GABRB2: variants seen among roughly 807,000 people sequenced by gnomAD.
GABRB2 encodes gamma-aminobutyric acid type A receptor subunit beta2, also known as gamma-aminobutyric acid receptor subunit beta-2.
Under a neutral mutation model 54.7 loss-of-function variants are expected in GABRB2, and 16 were observed. That is an observed-to-expected ratio of 0.29 (90% CI 0.20 to 0.44). The LOEUF is 0.44. Among genes scored for constraint, GABRB2 ranks in the 20% least tolerant of loss-of-function variants. GABRB2 has a pLI of 1.00. For missense variants in GABRB2, 355 were observed against 644.0 expected (o/e 0.55, Z 4.86); for synonymous variants, 244 against 233.8 (o/e 1.04, Z -0.40).
chr5:161,442,412 A>G (rs1419091402), intron 4 of GABRB2, among the ~76,000 whole-genome samples: 1 of 152,186 alleles, frequency 6.6e-6, no homozygotes, highest in Admixed American at 6.5e-5. Flanking sequence ...TCTCGTGCAG[A>G]ATCTTCCACC....
intron 5 of GABRB2, among the ~76,000 whole-genome samples, chr5:161,372,368 A>T (rs1226909306): frequency 6.6e-6 from 1 of 152,140 alleles, no homozygotes; most frequent in Non-Finnish European, 1.5e-5. Context: ...ACTTATGCCT[A>T]GTCCCCATCA....
intron 9 of GABRB2, among the ~76,000 whole-genome samples, chr5:161,320,980 C>T (rs253001): frequency 0.3 from 45,543 of 151,688 alleles, 7,441 homozygotes; most frequent in African/African-American, 0.42. Context: ...TATAATGGTC[C>T]TCAGGCTGTC....
chr5:161,475,311 T>C (rs1758561751), intron 3 of GABRB2, among the ~76,000 whole-genome samples: 2 of 151,974 alleles, frequency 1.3e-5, no homozygotes, highest in South Asian at 4.1e-4. Context: ...TGTGGCTTAA[T>C]GTTAATCCTC....
At chr5:161,489,573 A>G (rs1440028586) in intron 3 of GABRB2, among the ~76,000 whole-genome samples, 1 of 151,644 alleles carries the variant, frequency 6.6e-6, no homozygotes, top group Admixed American at 6.6e-5. Context: ...AGTCTTCACT[A>G]GCTTAGCATC....
chr5:161,546,186 T>TGG lies in GABRB2; in HGVS notation c.169+135_169+136insCC, dbSNP rs1561689507. On this transcript the variant is annotated intron_variant, in intron 2 of 9. Transcript: ENST00000393959. Reference sequence around the variant, plus strand: ...TAATCCAGCTTAAGTTTTGATCAGTTTCTCAATATGGTAAAATAGAGACAC... The same window carrying TGG: ...TAATCCAGCTTAAGTTTTGATCAGTTGGTCTCAATATGGTAAAATAGAGACAC... 6 of 686,990 alleles carry TGG rather than the reference T, an allele frequency of 8.7e-6. No individual in the cohort carries two copies. The African/African-American group carries it at 1.1e-4, about 12-fold the overall frequency. The allele number at this position is 686,990 out of a possible 1,614,324, so 42.6% of individuals were successfully genotyped here. A position where few individuals can be genotyped will look rare whatever the true frequency, so the allele number is the denominator to read the frequency against.
chr5:161,533,794 G>A (rs974816815), intron 3 of GABRB2, among the ~76,000 whole-genome samples: 7 of 152,162 alleles, frequency 4.6e-5, no homozygotes, highest in Admixed American at 1.3e-4. Context: ...ATCAGTGGTA[G>A]TAGTGGTATG....
In GABRB2 at chr5:161,410,455, A is replaced by T. The variant is rs374177974; in HGVS notation, c.541+520T>A. Among the ~76,000 whole-genome samples the T allele has an allele frequency of 2.4e-4, 36 of 152,100 alleles. 1 individual carries two copies. In the South Asian group the frequency reaches 7.2e-3, roughly 31 times the overall value. On this transcript the variant is annotated intron_variant, in intron 5 of 9. Coordinates refer to ENST00000393959, the MANE Select transcript of GABRB2 (RefSeq NM_001371727.1). ...TCTTGCTCATCAGATGGCCTTCAGC[A>T]AAAAATATACTTTAGAGACTGAAAA... is the stretch of plus-strand genomic sequence containing the variant.
intron 5 of GABRB2, among the ~76,000 whole-genome samples, chr5:161,364,365 G>T (rs1307933519): frequency 6.6e-6 from 1 of 152,104 alleles, no homozygotes; most frequent in Non-Finnish European, 1.5e-5. Flanking sequence ...ATAGTTTTGG[G>T]TTTTTTCTGT....
At chr5:161,325,210 T>A (rs1315619393) in intron 9 of GABRB2, among the ~76,000 whole-genome samples, 1 of 152,068 alleles carries the variant, frequency 6.6e-6, no homozygotes, top group African/African-American at 2.4e-5. Context: ...TCAACAAGCG[T>A]AACTAAAGTT....
At chr5:161,310,804 C>T (rs1757843695) in intron 9 of GABRB2, among the ~76,000 whole-genome samples, 1 of 150,976 alleles carries the variant, frequency 6.6e-6, no homozygotes, top group African/African-American at 2.4e-5. Flanking sequence ...GCTCTGTCGC[C>T]CAGGCTGGAG....
At chr5:161,355,469 C>T (rs1754592659) in intron 5 of GABRB2, among the ~76,000 whole-genome samples, 1 of 151,230 alleles carries the variant, frequency 6.6e-6, no homozygotes, top group Non-Finnish European at 1.5e-5. Flanking sequence ...TATACACATA[C>T]ATATATGTAT....
chr5:161,437,565 C>T (rs564374356), intron 4 of GABRB2, among the ~76,000 whole-genome samples: 34 of 152,192 alleles, frequency 2.2e-4, no homozygotes, highest in Admixed American at 1.9e-3. Context: ...ACAGCATAGC[C>T]ACAGGAGAGC....
intron 5 of GABRB2, among the ~76,000 whole-genome samples, chr5:161,339,810 G>A (rs981490394): frequency 1.1e-4 from 17 of 151,986 alleles, no homozygotes; most frequent in Non-Finnish European, 2.4e-4. Flanking sequence ...TAAGGACCTT[G>A]CTAAAAATCA....
At chr5:161,466,717 G>C (rs1246891506) in intron 3 of GABRB2, among the ~76,000 whole-genome samples, 1 of 151,962 alleles carries the variant, frequency 6.6e-6, no homozygotes, top group East Asian at 1.9e-4. Flanking sequence ...GGTTGCATGT[G>C]AGTGGCCTCT....
chr5:161,515,853 A>C (rs972893607), intron 3 of GABRB2, among the ~76,000 whole-genome samples: 19 of 152,216 alleles, frequency 1.2e-4, no homozygotes, highest in Admixed American at 1.2e-3. Flanking sequence ...AAACAGACAT[A>C]GTAACATAGG....
At chr5:161,452,677 C>A (rs1333513971) in intron 4 of GABRB2, among the ~76,000 whole-genome samples, 2 of 152,080 alleles carry the variant, frequency 1.3e-5, no homozygotes, top group Non-Finnish European at 2.9e-5. Flanking sequence ...TGCACTTATA[C>A]CTCCTGAACC....
At chr5:161,294,506 G>A (rs888680290) in intron 9 of GABRB2, 78 bp from the exon 10 acceptor site, 43 of 1,213,630 alleles carry the variant, frequency 3.5e-5, no homozygotes, top group Admixed American at 2.1e-4. Flanking sequence ...CACTATGATC[G>A]GCACTTAAGG....
rs1755594296 is a variant in GABRB2, at chr5:161,385,413, G to A, written c.541+25562C>T. 2.6e-5 allele frequency among the ~76,000 whole-genome samples: 4 copies of A among 152,114 alleles called. No homozygotes were observed. In the South Asian group the frequency reaches 8.3e-4, roughly 32 times the overall value. ...CTCTCTCATTTGAAAAATTCTTTTGGAACAAACAGAAACAGTCTTGGTAAC... is the reference window on the plus strand; with the variant it reads ...CTCTCTCATTTGAAAAATTCTTTTGAAACAAACAGAAACAGTCTTGGTAAC... On this transcript the variant is annotated intron_variant, in intron 5 of 9. Coordinates refer to ENST00000393959, the MANE Select transcript of GABRB2 (RefSeq NM_001371727.1).
At chr5:161,539,031 G>A (rs1760731670) in intron 3 of GABRB2, among the ~76,000 whole-genome samples, 1 of 152,102 alleles carries the variant, frequency 6.6e-6, no homozygotes, top group East Asian at 1.9e-4. Context: ...TTCTCCATTT[G>A]CCATTCCATA....
Sources: allele counts gnomAD v4.1 joint callset (sites outside exome capture counted in the v4.1 genomes callset), GRCh38; gene constraint gnomAD v4.1.1; transcripts MANE v1.5; gene names NCBI Gene and HGNC (gene_info 2026-07-23, HGNC 2026-07-21).